SH2D3C: variants seen among roughly 807,000 people sequenced by gnomAD.
SH2D3C encodes the protein SH2 domain containing 3C.
A neutral mutation model predicts 75.2 loss-of-function variants in SH2D3C; 25 were observed. That is an observed-to-expected ratio of 0.33 (90% CI 0.24 to 0.46). SH2D3C has a LOEUF of 0.46. Ranked by LOEUF, SH2D3C falls within the 20% of genes least tolerant of loss-of-function variation. The pLI is 1.00. For synonymous variants in SH2D3C, 450 were observed against 473.7 expected, an observed-to-expected ratio of 0.95 and a Z score of 0.65; for missense variants, 933 against 1,165.3, an observed-to-expected ratio of 0.80 and a Z score of 2.90.
chr9:127,776,161 T>C (rs192247268), intron 1 of SH2D3C, among the ~76,000 whole-genome samples: 2 of 152,230 alleles, frequency 1.3e-5, no homozygotes, highest in Admixed American at 6.5e-5. Context: ...TTTCTGAAAA[T>C]GATTCTGCAT....
chr9:127,762,827 A>G (rs1364235050), intron 2 of SH2D3C, among the ~76,000 whole-genome samples: 3 of 152,120 alleles, frequency 2.0e-5, no homozygotes, highest in Non-Finnish European at 2.9e-5. Context: ...GAAGAACAAA[A>G]TCTAAACTCC....
intron 2 of SH2D3C, among the ~76,000 whole-genome samples, chr9:127,772,046 A>C (rs1845747197): frequency 6.6e-6 from 1 of 152,176 alleles, no homozygotes; most frequent in South Asian, 2.1e-4. Flanking sequence ...AGTAAGAGGC[A>C]GAATCTGGAC....
intron 2 of SH2D3C, among the ~76,000 whole-genome samples, chr9:127,766,233 CCT>C (rs1845631893): frequency 6.6e-6 from 1 of 152,060 alleles, no homozygotes; most frequent in African/African-American, 2.4e-5. Context: ...GCTCTCTCTC[CCT>C]GTCTGTTCCC....
At chr9:127,759,706 G>A (rs1158137249) in intron 3 of SH2D3C, among the ~76,000 whole-genome samples, 7 of 151,652 alleles carry the variant, frequency 4.6e-5, no homozygotes, top group East Asian at 2.0e-4. Context: ...TTTTTTGGCC[G>A]GGCGTGGTGG....
At chr9:127,758,590 C>T (rs912820387) in intron 3 of SH2D3C, among the ~76,000 whole-genome samples, 6 of 152,174 alleles carry the variant, frequency 3.9e-5, no homozygotes, top group African/African-American at 1.4e-4. Context: ...AATTTCTGCT[C>T]AACTTGCTGC....
chr9:127,772,330 G>T (rs147610978), intron 2 of SH2D3C, among the ~76,000 whole-genome samples: 1 of 143,912 alleles, frequency 6.9e-6, no homozygotes, highest in Non-Finnish European at 1.5e-5. Flanking sequence ...TGCAACCTCT[G>T]CCTCCCAGGT....
chr9:127,766,840 G>C (rs1845644679), intron 2 of SH2D3C: 2 of 1,267,068 alleles, frequency 1.6e-6, no homozygotes, highest in South Asian at 1.5e-5. Flanking sequence ...AAAGTGCTGG[G>C]GTTACAGGCG....
chr9:127,775,704 G>A (rs931235682), intron 1 of SH2D3C, among the ~76,000 whole-genome samples: 1 of 152,114 alleles, frequency 6.6e-6, no homozygotes, highest in Non-Finnish European at 1.5e-5. Flanking sequence ...CAGCTACTTG[G>A]GAGGCTGAGG....
chr9:127,750,444 C>T (rs1438639926), intron 4 of SH2D3C, among the ~76,000 whole-genome samples: 4 of 152,142 alleles, frequency 2.6e-5, no homozygotes, highest in South Asian at 2.1e-4. Flanking sequence ...CATGAGCCAT[C>T]GCACCTGGCC....
At position 127,749,580 on chromosome 9, in the gene SH2D3C, C is replaced by A. The variant is rs372007710; in HGVS notation, c.770G>T (p.Arg257Leu). Residue 257 changes from arginine to leucine, a missense_variant, in exon 5 of 12, where the codon CGC (arginine) becomes CTC (leucine). Coordinates refer to ENST00000314830, the MANE Select transcript of SH2D3C (RefSeq NM_170600.3). This position sits in a 1 kb window ranked among gnomAD's most constrained non-coding sequence, Gnocchi z 5.9. The stretch of plus-strand genomic sequence containing the variant: ...GAAGTGCAAGGCCTGGTTGCGCCAG[C>A]GGCACGTGAGCACATAGTCGCCCAG... ...TSLGDYVLTC[R>L]WRNQALHFKI... 6.2e-7 allele frequency: 1 copy of A among 1,608,608 alleles called. No homozygotes were observed. Among genetic ancestry groups the A allele is most frequent in the East Asian group, 2.2e-5 (1 of 44,562 alleles).
intron 3 of SH2D3C, among the ~76,000 whole-genome samples, chr9:127,757,299 T>C (rs909547315): frequency 6.8e-6 from 1 of 147,498 alleles, no homozygotes; most frequent in East Asian, 2.0e-4. Flanking sequence ...AGAGGCAGGG[T>C]ATCCCTCTGT....
intron 8 of SH2D3C, 66 bp from the exon 9 acceptor site, chr9:127,742,025 C>T: frequency 2.7e-6 from 4 of 1,475,246 alleles, no homozygotes; most frequent in South Asian, 1.3e-5. Context: ...GGGCCTGGGG[C>T]GCTGCCTGTG....
At chr9:127,742,790 G>T in intron 8 of SH2D3C, 59 bp downstream of exon 8, 2 of 1,363,376 alleles carry the variant, frequency 1.5e-6, no homozygotes, top group Non-Finnish European at 2.0e-6. Flanking sequence ...GCCCCGTCCA[G>T]CGGGGAGTGC....
intron 3 of SH2D3C, among the ~76,000 whole-genome samples, chr9:127,758,559 A>G (rs1214761140): frequency 6.6e-6 from 1 of 152,022 alleles, no homozygotes; most frequent in Non-Finnish European, 1.5e-5. Context: ...CCTCCCTCCC[A>G]CGGTGGCATA....
chr9:127,776,219 T>G (rs1243226607), intron 1 of SH2D3C, among the ~76,000 whole-genome samples: 2 of 152,236 alleles, frequency 1.3e-5, no homozygotes, highest in East Asian at 3.8e-4. Flanking sequence ...GTGACACAGT[T>G]TAATCCCCAT....
rs979011567 is a variant in SH2D3C at position 127,774,946 on chromosome 9, C to T, written c.38-479G>A. Among the ~76,000 whole-genome samples the T allele has an allele frequency of 6.6e-6, 1 of 151,866 alleles. No homozygotes were observed. Among genetic ancestry groups the T allele is most frequent in the Admixed American group, 6.6e-5 (1 of 15,246 alleles). On this transcript the variant is annotated intron_variant, in intron 1 of 11. Transcript: ENST00000314830. This position sits in a 1 kb window ranked among gnomAD's most constrained non-coding sequence, Gnocchi z 4.3. ...CTCTACTAACAATACAAACATTAGC[C>T]GGGTGTGGTGGCGCACCTGTAATCC...
At chr9:127,778,448 G>A (rs1829077670) in intron 1 of SH2D3C, 143 bp downstream of exon 1, 1 of 717,922 alleles carries the variant, frequency 1.4e-6, no homozygotes, top group South Asian at 1.6e-5. Context: ...AGAGACGCTG[G>A]TGTCCAAAAG....
In SH2D3C at chr9:127,772,139, TG is replaced by T. The variant is rs547646101; in HGVS notation, c.515+1850del. ...ACAGCTCAGAGACAGAGGCTGTGCT[TG>T]GTGTCTCAGGAAAAAGCTGCTCAAG... is the stretch of plus-strand genomic sequence containing the variant. On this transcript the variant is annotated intron_variant, in intron 2 of 11. Transcript: ENST00000314830. Among the ~76,000 whole-genome samples, 15 of 152,054 alleles carry T rather than the reference TG, an allele frequency of 9.9e-5. No individual in the cohort carries two copies. The South Asian group carries it at 2.9e-3, about 29-fold the overall frequency.
Position 127,744,890 on chromosome 9 carries a change from A to G in SH2D3C, c.1474T>C (p.Ser492Pro). 6.2e-7 allele frequency: 1 copy of G among 1,612,766 alleles called. No homozygotes were observed. Among genetic ancestry groups the G allele is most frequent in the Non-Finnish European group, 8.5e-7 (1 of 1,179,154 alleles). ...GGCTGGAGCTGGCAGTAGTGGCCAG[A>G]GTCCGGGTCACTGTAGCTGCTGAGT... Reference protein sequence around the residue: ...PSLSSYSDPDSGHYCQLQPPV... With the variant: ...PSLSSYSDPDPGHYCQLQPPV... Residue 492 changes from serine to proline, a missense_variant, in exon 7 of 12, where the codon TCT becomes CCT. Physicochemically the swap from Ser to Pro is moderately conservative, Grantham distance 74. Transcript: ENST00000314830.
Sources: gnomAD v4.1 joint callset for allele counts (sites outside exome capture counted in the v4.1 genomes callset) on GRCh38, gnomAD v4.1.1 for gene constraint, Gnocchi (gnomAD v3.1) non-coding constraint, MANE v1.5 for transcripts, NCBI Gene and HGNC (gene_info 2026-07-23, HGNC 2026-07-21) for gene names.